Variants in EXOC5 observed in about 807,000 individuals in gnomAD.
EXOC5 encodes the protein SEC10-like 1.
EXOC5 carries 17 observed loss-of-function variants against 90.8 expected under a neutral mutation model. The observed-to-expected ratio is 0.19, with a 90% CI of 0.13 to 0.28. The LOEUF (loss-of-function observed/expected upper bound fraction) is 0.28, where lower values mean the gene tolerates loss of function less well. Among genes scored for constraint, EXOC5 ranks in the 10% least tolerant of loss-of-function variants. The pLI is 1.00. For missense variants in EXOC5, 569 were observed against 830.6 expected (o/e 0.69, Z 3.87); for synonymous variants, 260 against 270.0 (o/e 0.96, Z 0.36).
chr14:57,235,782 ACTC>A lies in EXOC5; in HGVS notation c.595_597del (p.Glu199del). 6.4e-7 allele frequency: 1 copy of A among 1,560,028 alleles called. No individual in the cohort carries two copies. The highest frequency in any genetic ancestry group is 8.7e-7 in the Non-Finnish European group (1 of 1,149,722). ...TCACCTCTTCTTTGAGCACTGGTAA[ACTC>A]CTGAATCAGCTGGCATTCTAAATCA... On this transcript the variant is annotated inframe_deletion, in exon 7 of 18. Coordinates refer to ENST00000621441, the MANE Select transcript of EXOC5 (RefSeq NM_006544.4).
chr14:57,252,353 T>A (rs939550800), intron 1 of EXOC5, among the ~76,000 whole-genome samples: 12 of 152,108 alleles, frequency 7.9e-5, no homozygotes, highest in African/African-American at 2.9e-4. Context: ...CATGATTACA[T>A]ACAACCCACA....
intron 17 of EXOC5, 24 bp from the exon 18 acceptor site, chr14:57,208,821 T>A: frequency 6.7e-7 from 1 of 1,485,136 alleles, no homozygotes; most frequent in Non-Finnish European, 9.3e-7. Flanking sequence ...AGAAAAAAAG[T>A]AACATTGAAA....
chr14:57,212,013 G>C (rs896572340), intron 15 of EXOC5, among the ~76,000 whole-genome samples: 3 of 152,128 alleles, frequency 2.0e-5, no homozygotes, highest in Non-Finnish European at 2.9e-5. Context: ...GCACATGCCA[G>C]AACACCTGTC....
chr14:57,246,584 TA>T, intron 3 of EXOC5, 126 bp downstream of exon 3: 3 of 808,668 alleles, frequency 3.7e-6, no homozygotes, highest in Non-Finnish European at 6.2e-6. Context: ...CCCATGGGAC[TA>T]AAGCAGTAGA....
At chr14:57,263,657 C>T (rs1157804469) in intron 1 of EXOC5, among the ~76,000 whole-genome samples, 2 of 148,746 alleles carry the variant, frequency 1.3e-5, no homozygotes, top group East Asian at 4.0e-4. Flanking sequence ...TCCCAGCTAC[C>T]CAGGAGGCTG....
At chr14:57,222,287 G>A (rs1023485474) in intron 13 of EXOC5, 21 bp downstream of exon 13, 1 of 1,170,190 alleles carries the variant, frequency 8.5e-7, no homozygotes, top group Non-Finnish European at 1.2e-6. Flanking sequence ...TTTAACACAA[G>A]TGTAACACAA....
At position 57,204,524 on chromosome 14, in the gene EXOC5, C is replaced by G. The variant is rs991533779; in HGVS notation, c.*4085G>C. ...CTAAATAGTTAACACAATTGGCAAGCCTATGACATTTAAAATAGTTTTTGA... is the reference window on the plus strand; with the variant it reads ...CTAAATAGTTAACACAATTGGCAAGGCTATGACATTTAAAATAGTTTTTGA... On this transcript the variant is annotated 3_prime_UTR_variant, in exon 18 of 18. Coordinates refer to ENST00000621441, the MANE Select transcript of EXOC5 (RefSeq NM_006544.4). The G allele has an allele frequency of 1.3e-5, 2 of 152,414 alleles. No individual in the cohort carries two copies. The highest frequency in any genetic ancestry group is 1.9e-4 in the East Asian group (1 of 5,186). The allele number at this position is 152,414 out of a possible 1,614,324, so 9.4% of individuals were successfully genotyped here. A position where few individuals can be genotyped will look rare whatever the true frequency, so the allele number is the denominator to read the frequency against.
intron 14 of EXOC5, 31 bp from the exon 15 acceptor site, chr14:57,218,099 ATAT>A: frequency 9.3e-7 from 1 of 1,072,462 alleles, no homozygotes; most frequent in Non-Finnish European, 1.4e-6. Context: ...AAAAAGAATC[ATAT>A]TAATAGTCTA....
Position 57,239,608 on chromosome 14 carries a change from A to G in EXOC5, c.517T>C (p.Leu173=). ...AAATGAACTTGCCTATCAAAAGGTA[A>G]CTCTTGGGCAATTAGGTGCAACTTC... ...IQKLHLIAQE[L]PFDRFSEVKS... Residue 173 remains leucine, a synonymous_variant, in exon 5 of 18, where the codon TTA becomes CTA. Coordinates refer to ENST00000621441, the MANE Select transcript of EXOC5 (RefSeq NM_006544.4). The G allele has an allele frequency of 6.5e-7, 1 of 1,529,588 alleles. No individual in the cohort carries two copies. The highest frequency in any genetic ancestry group is 1.2e-5 in the South Asian group (1 of 80,258). The allele number at this position is 1,529,588 out of a possible 1,614,324, so 94.8% of individuals were successfully genotyped here. A position where few individuals can be genotyped will look rare whatever the true frequency, so the allele number is the denominator to read the frequency against.
At chr14:57,223,616 C>T (rs1330037422) in intron 12 of EXOC5, among the ~76,000 whole-genome samples, 1 of 152,116 alleles carries the variant, frequency 6.6e-6, no homozygotes, top group Non-Finnish European at 1.5e-5. Flanking sequence ...GCTATTCTTA[C>T]ATTCCTCCTA....
At chr14:57,215,231 CA>C (rs879718496) in intron 15 of EXOC5, among the ~76,000 whole-genome samples, 122 of 132,202 alleles carry the variant, frequency 9.2e-4, no homozygotes, top group Admixed American at 7.7e-4. Flanking sequence ...GACTCCGTCT[CA>C]AAAAAAAAAA....
intron 1 of EXOC5, among the ~76,000 whole-genome samples, chr14:57,263,739 TAAAAAAAAAA>T (rs550651836): frequency 1.5e-4 from 6 of 39,368 alleles, no homozygotes; most frequent in Non-Finnish European, 3.5e-4. Flanking sequence ...CACTCCAGCC[TAAAAAAAAAA>T]AAAAAAAAAA....
intron 1 of EXOC5, among the ~76,000 whole-genome samples, chr14:57,264,924 A>C (rs779335785): frequency 6.6e-6 from 1 of 152,130 alleles, no homozygotes; most frequent in African/African-American, 2.4e-5. Flanking sequence ...ACTTAATTCT[A>C]TTTTCCAAAA....
intron 12 of EXOC5, among the ~76,000 whole-genome samples, chr14:57,224,008 C>T (rs1302523883): frequency 1.3e-5 from 2 of 152,030 alleles, no homozygotes; most frequent in African/African-American, 2.4e-5. Context: ...AGGATTTGAA[C>T]TGAATAAAAA....
chr14:57,210,077 TACA>T lies in EXOC5; in HGVS notation c.1614-19_1614-17del, dbSNP rs1216978807. The T allele has an allele frequency of 8.0e-7, 1 of 1,256,108 alleles. No individual in the cohort carries two copies. Among genetic ancestry groups the T allele is most frequent in the Non-Finnish European group, 1.2e-6 (1 of 862,442 alleles). The allele number at this position is 1,256,108 out of a possible 1,614,324, so 77.8% of individuals were successfully genotyped here. ...ATTTAATGTCCTAGAGAATTGAGAATACAACATTCTTTAACCCATCTAACTTAC... is the reference window on the plus strand; with the variant it reads ...ATTTAATGTCCTAGAGAATTGAGAATACATTCTTTAACCCATCTAACTTAC... On this transcript the variant is annotated splice_polypyrimidine_tract_variant and intron_variant, in intron 15 of 17. Transcript: ENST00000621441.
In EXOC5 at chr14:57,260,494, T is replaced by C. The variant is rs1199325444; in HGVS notation, c.27+8128A>G. ...GTTTTGAAGACTATTTAAACGATGG[T>C]AGTTTAGAATCTTACAAAATATTTT... On this transcript the variant is annotated intron_variant, in intron 1 of 17. Coordinates refer to ENST00000621441, the MANE Select transcript of EXOC5 (RefSeq NM_006544.4). 3.3e-5 allele frequency among the ~76,000 whole-genome samples: 5 copies of C among 152,156 alleles called. No homozygotes were observed. The East Asian group carries it at 9.6e-4, about 29-fold the overall frequency.
intron 4 of EXOC5, among the ~76,000 whole-genome samples, chr14:57,240,187 A>G (rs1883815988): frequency 6.6e-6 from 1 of 150,936 alleles, no homozygotes; most frequent in African/African-American, 2.5e-5. Flanking sequence ...TAATATAGAA[A>G]TGTGTATATT....
rs112756876 is a variant in EXOC5, at chr14:57,233,898, C to T, written c.715-15G>A. 974 of 1,605,708 alleles carry T rather than the reference C, an allele frequency of 6.1e-4. 6 individuals are homozygous for T. The African/African-American group carries it at 0.011, about 18-fold the overall frequency. On this transcript the variant is annotated splice_polypyrimidine_tract_variant and intron_variant, in intron 8 of 17. Coordinates refer to ENST00000621441, the MANE Select transcript of EXOC5 (RefSeq NM_006544.4). ...AAATAAGCACCCTAAACAGCAGAGA[C>T]ATTTTATACAGTGAACATATAATTT...
chr14:57,222,697 CATATAT>C lies in EXOC5; in HGVS notation c.1297-287_1297-282del, dbSNP rs145170163. 6.2e-5 allele frequency among the ~76,000 whole-genome samples: 9 copies of C among 145,258 alleles called. No individual in the cohort carries two copies. In the South Asian group the frequency reaches 2.0e-3, roughly 32 times the overall value. On this transcript the variant is annotated intron_variant, in intron 12 of 17. Coordinates refer to ENST00000621441, the MANE Select transcript of EXOC5 (RefSeq NM_006544.4). ...TATACTTTCATAAAATGTATACCCC[CATATAT>C]ATATATATATACCCCCATATATTAT... is the stretch of plus-strand genomic sequence containing the variant.
Sources: gnomAD v4.1 joint callset for allele counts (sites outside exome capture counted in the v4.1 genomes callset) on GRCh38, gnomAD v4.1.1 for gene constraint, MANE v1.5 for transcripts, NCBI Gene and HGNC (gene_info 2026-07-23, HGNC 2026-07-21) for gene names.